Variants in DMD observed in about 807,000 individuals in gnomAD.
The protein encoded by DMD is mutant dystrophin.
In DMD, 63 loss-of-function variants were observed where a neutral mutation model predicts 330.1. That is an observed-to-expected ratio of 0.19 (90% CI 0.16 to 0.24). DMD has a LOEUF of 0.24. Among genes scored for constraint, DMD ranks in the 10% least tolerant of loss-of-function variants. The probability of loss-of-function intolerance (pLI) is 1.00; values close to 1 mark genes in which losing one functional copy is unlikely to be tolerated. For synonymous variants in DMD, 1,223 were observed against 959.8 expected (o/e 1.27, Z -5.07); for missense variants, 3,344 against 2,684.1 (o/e 1.25, Z -5.43).
chrX:31,947,326 A>G (rs1329093221), intron 45 of DMD, among the ~76,000 whole-genome samples: 2 of 111,724 alleles, frequency 1.8e-5, no homozygotes, highest in Non-Finnish European at 3.8e-5. Flanking sequence ...GAATGTTGCT[A>G]TGTGCCCAAG....
At chrX:31,465,745 G>A (rs1014953627) in intron 59 of DMD, among the ~76,000 whole-genome samples, 1 of 111,590 alleles carries the variant, frequency 9.0e-6, no homozygotes, top group African/African-American at 3.3e-5. Flanking sequence ...TGGATCAAAT[G>A]GTACTTCTGG....
chrX:31,951,177 A>ATATATATATATATATG lies in DMD; in HGVS notation c.6614+17161_6614+17162insCATATATATATATATA, dbSNP rs1569521343. Among the ~76,000 whole-genome samples the ATATATATATATATATG allele has an allele frequency of 7.2e-3, 652 of 90,260 alleles. 26 individuals are homozygous for ATATATATATATATATG. Among genetic ancestry groups the ATATATATATATATATG allele is most frequent in the Non-Finnish European group, 0.012 (531 of 45,140 alleles). 78.4% of individuals were successfully genotyped at this position (90,260 alleles called of 115,157 possible). A position where few individuals can be genotyped will look rare whatever the true frequency, so the allele number is the denominator to read the frequency against. On this transcript the variant is annotated intron_variant, in intron 45 of 78. Coordinates refer to ENST00000357033, the MANE Select transcript of DMD (RefSeq NM_004006.3). ...TATATATGTATATATATATATATGT[A>ATATATATATATATATG]TATATATATATCTTAATAGATATCT... is the stretch of plus-strand genomic sequence containing the variant.
chrX:32,896,399 T>C lies in DMD; in HGVS notation c.94-46579A>G, dbSNP rs1480283032. ...TGGTGACTTCAAGGCTCATCAGCAA[T>C]GCACAACTGTTTTAAAATAAAGCAA... On this transcript the variant is annotated intron_variant, in intron 2 of 78. Coordinates refer to ENST00000357033, the MANE Select transcript of DMD (RefSeq NM_004006.3). Among the ~76,000 whole-genome samples, 3 of 111,956 alleles carry C rather than the reference T, an allele frequency of 2.7e-5. No individual in the cohort carries two copies. In the Admixed American group the frequency reaches 2.9e-4, roughly 11 times the overall value.
At position 32,756,919 on chromosome X, in the gene DMD, G is replaced by A. The variant is rs758488541; in HGVS notation, c.649+52574C>T. Reference sequence around the variant, plus strand: ...TATATCCCTCCACAGCTCATCACTGGTTTGAAGTCAGGCCATAAGTTCATG... The same window carrying A: ...TATATCCCTCCACAGCTCATCACTGATTTGAAGTCAGGCCATAAGTTCATG... On this transcript the variant is annotated intron_variant, in intron 7 of 78. Coordinates refer to ENST00000357033, the MANE Select transcript of DMD (RefSeq NM_004006.3). 1.4e-4 allele frequency among the ~76,000 whole-genome samples: 16 copies of A among 111,465 alleles called. No individual in the cohort carries two copies. In the South Asian group the frequency reaches 6.0e-3, roughly 42 times the overall value.
chrX:32,655,505 CTT>C, intron 9 of DMD, among the ~76,000 whole-genome samples: 1 of 111,843 alleles, frequency 8.9e-6, no homozygotes. Flanking sequence ...CTGAGAGACA[CTT>C]TGTTATAATT....
In DMD at chrX:31,876,412, A is replaced by G. The variant is rs777954312; in HGVS notation, c.6913-1039T>C. ...ATGCCTCCTCTGTAGATTGGGGACA[A>G]TGATAGCACCTGCTTCATAGGATTA... On this transcript the variant is annotated intron_variant, in intron 47 of 78. Coordinates refer to ENST00000357033, the MANE Select transcript of DMD (RefSeq NM_004006.3). Among the ~76,000 whole-genome samples the G allele has an allele frequency of 2.6e-3, 288 of 112,374 alleles. 1 individual carries two copies. Among genetic ancestry groups the G allele is most frequent in the Middle Eastern group, 4.6e-3 (1 of 219 alleles).
intron 44 of DMD, among the ~76,000 whole-genome samples, chrX:32,199,134 C>T (rs968417626): frequency 8.9e-6 from 1 of 112,143 alleles, no homozygotes; most frequent in Non-Finnish European, 1.9e-5. Context: ...TGCATTCTCA[C>T]ACTATAAATG....
At chrX:32,479,934 C>G (rs760337466) in intron 21 of DMD, among the ~76,000 whole-genome samples, 111 of 110,801 alleles carry the variant, frequency 1.0e-3, no homozygotes, top group Non-Finnish European at 1.8e-3. Flanking sequence ...TAAAAAGCTC[C>G]TGCACAGGAA....
intron 1 of DMD, among the ~76,000 whole-genome samples, chrX:33,054,243 A>G (rs1172714838): frequency 8.9e-6 from 1 of 112,076 alleles, no homozygotes; most frequent in African/African-American, 3.2e-5. Flanking sequence ...TATGTTTGGC[A>G]GGGGTTTATT....
chrX:31,610,969 T>C (rs2077880099), intron 55 of DMD, among the ~76,000 whole-genome samples: 1 of 111,359 alleles, frequency 9.0e-6, no homozygotes, highest in Non-Finnish European at 1.9e-5. Flanking sequence ...CTTGATTGGC[T>C]AGCCACTGGA....
intron 20 of DMD, among the ~76,000 whole-genome samples, chrX:32,485,918 T>A (rs779391792): frequency 4.6e-5 from 5 of 108,397 alleles, no homozygotes; most frequent in Non-Finnish European, 9.6e-5. Flanking sequence ...AAATTTTTTT[T>A]ATTTTTAGTA....
intron 55 of DMD, among the ~76,000 whole-genome samples, chrX:31,586,038 T>A (rs950350068): frequency 9.0e-6 from 1 of 111,652 alleles, no homozygotes; most frequent in Admixed American, 9.5e-5. Context: ...GGTCCTACCC[T>A]ATCTGTAACT....
At chrX:32,408,610 C>T (rs1050427056) in intron 30 of DMD, among the ~76,000 whole-genome samples, 1 of 111,480 alleles carries the variant, frequency 9.0e-6, no homozygotes, top group Non-Finnish European at 1.9e-5. Context: ...CACAAATCTG[C>T]GTGACCAGTA....
In DMD at chrX:31,996,969, G is replaced by A. The variant is rs11795840; in HGVS notation, c.6439-28455C>T. Among the ~76,000 whole-genome samples, 977 of 111,325 alleles carry A rather than the reference G, an allele frequency of 8.8e-3. 5 individuals are homozygous for A. The highest frequency in any genetic ancestry group is 0.014 in the Middle Eastern group (3 of 217). On this transcript the variant is annotated intron_variant, in intron 44 of 78. Coordinates refer to ENST00000357033, the MANE Select transcript of DMD (RefSeq NM_004006.3). ...TTCATGAATATTAATCATTTATAACGTGTAAACTGTATATCTTCCATTCCA... is the reference window on the plus strand; with the variant it reads ...TTCATGAATATTAATCATTTATAACATGTAAACTGTATATCTTCCATTCCA...
At chrX:32,828,611 A>G (rs1481189809) in intron 4 of DMD, among the ~76,000 whole-genome samples, 1 of 110,352 alleles carries the variant, frequency 9.1e-6, no homozygotes, top group African/African-American at 3.3e-5. Context: ...ATACATATGT[A>G]TACATCTATA....
At chrX:31,754,546 C>T (rs150135663) in intron 51 of DMD, among the ~76,000 whole-genome samples, 1 of 111,134 alleles carries the variant, frequency 9.0e-6, no homozygotes, top group East Asian at 2.8e-4. Context: ...TTAGAATTTT[C>T]TGCTTGCCAC....
At chrX:32,210,897 C>T (rs1310153287) in intron 44 of DMD, among the ~76,000 whole-genome samples, 1 of 111,578 alleles carries the variant, frequency 9.0e-6, no homozygotes, top group Non-Finnish European at 1.9e-5. Context: ...TTCATGGACT[C>T]GCTTGTCTCA....
rs756355946 is a variant in DMD at position 32,482,866 on chromosome X, A to G, written c.2803+2053T>C. ...CTACCAATTCCTTATGCCATTTTCCAACACTGATAGTATATTTTAAAAGCC... is the reference window on the plus strand; with the variant it reads ...CTACCAATTCCTTATGCCATTTTCCGACACTGATAGTATATTTTAAAAGCC... On this transcript the variant is annotated intron_variant, in intron 21 of 78. Coordinates refer to ENST00000357033, the MANE Select transcript of DMD (RefSeq NM_004006.3). Among the ~76,000 whole-genome samples the G allele has an allele frequency of 2.7e-5, 3 of 109,755 alleles. No individual in the cohort carries two copies. In the Admixed American group the frequency reaches 3.0e-4, roughly 11 times the overall value.
At chrX:32,444,772 ATTC>A (rs1398094727) in intron 27 of DMD, among the ~76,000 whole-genome samples, 1 of 110,764 alleles carries the variant, frequency 9.0e-6, no homozygotes, top group Non-Finnish European at 1.9e-5. Flanking sequence ...TAGTTAGGCA[ATTC>A]TTCTTTCTCA....
Sources: gnomAD v4.1 joint callset for allele counts (sites outside exome capture counted in the v4.1 genomes callset) on GRCh38, gnomAD v4.1.1 for gene constraint, MANE v1.5 for transcripts, NCBI Gene and HGNC (gene_info 2026-07-23, HGNC 2026-07-21) for gene names.